The following ADCYAP1 variants were observed in gnomAD, a reference collection of about 807,000 sequenced individuals.
ADCYAP1 encodes the protein pituitary adenylate cyclase-activating polypeptide.
Under a neutral mutation model 18.5 loss-of-function variants are expected in ADCYAP1, and 6 were observed. That is an observed-to-expected ratio of 0.32 (90% confidence interval 0.18 to 0.64). ADCYAP1 has a LOEUF of 0.64. ADCYAP1 is among the 30% of genes least tolerant of loss of function. ADCYAP1 has a pLI of 0.77. For missense variants in ADCYAP1, 314 were observed against 253.6 expected, an observed-to-expected ratio of 1.24 and a Z score of -1.62; for synonymous variants, 136 against 113.9, an observed-to-expected ratio of 1.19 and a Z score of -1.24.
At chr18:909,066 G>C (rs1029951541) in intron 4 of ADCYAP1, among the ~76,000 whole-genome samples, 5 of 152,166 alleles carry the variant, frequency 3.3e-5, no homozygotes, top group Non-Finnish European at 5.9e-5. Flanking sequence ...AGGGCTCTCC[G>C]GTTACTTTCT....
rs1490672369 is a variant in ADCYAP1 at position 911,550 on chromosome 18, G to A, written c.*1915G>A. The A allele has an allele frequency of 1.5e-4, 23 of 152,192 alleles. 2 individuals carry two copies. 9.4% of individuals were successfully genotyped at this position (152,192 alleles called of 1,614,324 possible). Reference sequence around the variant, plus strand: ...AGAATTGGATTTGCATTCCCAGGCGGGATGGATGCTGCCAGGAGATCACAT... The same window carrying A: ...AGAATTGGATTTGCATTCCCAGGCGAGATGGATGCTGCCAGGAGATCACAT... On this transcript the variant is annotated 3_prime_UTR_variant, in exon 5 of 5. Transcript: ENST00000450565.
In ADCYAP1 at chr18:905,283, C is replaced by T. The variant is rs111709874; in HGVS notation, c.-1-103C>T. On this transcript the variant is annotated intron_variant, in intron 1 of 4. Coordinates refer to ENST00000450565, the MANE Select transcript of ADCYAP1 (RefSeq NM_001099733.2). Reference sequence around the variant, plus strand: ...TGCTGTTCAACTCAGGGAGCCGGGGCTTCGCTCCGTCCCTCCCCCGGCTTC... The same window carrying T: ...TGCTGTTCAACTCAGGGAGCCGGGGTTTCGCTCCGTCCCTCCCCCGGCTTC... 9.7e-5 allele frequency: 149 copies of T among 1,528,284 alleles called. No individual in the cohort carries two copies. The African/African-American group carries it at 1.6e-3, about 16-fold the overall frequency. The allele number at this position is 1,528,284 out of a possible 1,614,324, so 94.7% of individuals were successfully genotyped here.
upstream of ADCYAP1, chr18:904,793 C>G (rs539625402): frequency 3.9e-6 from 5 of 1,282,488 alleles, no homozygotes; most frequent in South Asian, 6.2e-5. Context: ...CTCTTTCTTT[C>G]TTCTGCCTCT....
At chr18:906,833 C>A (rs765216524) in intron 2 of ADCYAP1, among the ~76,000 whole-genome samples, 1 of 152,252 alleles carries the variant, frequency 6.6e-6, no homozygotes, top group African/African-American at 2.4e-5. Context: ...AGTCGCCAGG[C>A]ACTCGCTGGA....
At position 909,642 on chromosome 18, in the gene ADCYAP1, G is replaced by A. The variant is rs760845880; in HGVS notation, c.*7G>A. 9 of 1,612,366 alleles carry A rather than the reference G, an allele frequency of 5.6e-6. No individual in the cohort carries two copies. The highest frequency in any genetic ancestry group is 7.6e-6 in the Non-Finnish European group (9 of 1,178,858). ...CCGAATAGCTTATTTGTAGCGATGG[G>A]TTACCAGCTACCCTGTGTATACAGC... On this transcript the variant is annotated 3_prime_UTR_variant, in exon 5 of 5. Coordinates refer to ENST00000450565, the MANE Select transcript of ADCYAP1 (RefSeq NM_001099733.2).
intron 2 of ADCYAP1, among the ~76,000 whole-genome samples, chr18:907,280 C>T (rs1909203040): frequency 6.6e-6 from 1 of 152,184 alleles, no homozygotes; most frequent in Admixed American, 6.5e-5. Flanking sequence ...TCTCCCAGGG[C>T]CTTTCTCGTC....
At chr18:904,770 ACCTC>A, upstream of ADCYAP1, 1 of 1,271,430 alleles carries the variant, frequency 7.9e-7, no homozygotes. Context: ...TCCGCGCTTC[ACCTC>A]ATCGCCCCCT....
chr18:911,304 C>G lies in ADCYAP1; in HGVS notation c.*1669C>G, dbSNP rs1228058136. 6.6e-6 allele frequency: 1 copy of G among 151,802 alleles called. No individual in the cohort carries two copies. Among genetic ancestry groups the G allele is most frequent in the East Asian group, 1.9e-4 (1 of 5,172 alleles). 9.4% of individuals were successfully genotyped at this position (151,802 alleles called of 1,614,324 possible). A position where few individuals can be genotyped will look rare whatever the true frequency, so the allele number is the denominator to read the frequency against. On this transcript the variant is annotated 3_prime_UTR_variant, in exon 5 of 5. Coordinates refer to ENST00000450565, the MANE Select transcript of ADCYAP1 (RefSeq NM_001099733.2). The stretch of plus-strand genomic sequence containing the variant: ...TCTTTATAAACAAAAGAACCTTCAC[C>G]CAGCAATCAGATCGAGCAGCAACAG...
chr18:912,074 CA>C lies in ADCYAP1; in HGVS notation c.*2441del, dbSNP rs1909406479. The C allele has an allele frequency of 6.6e-6, 1 of 152,058 alleles. No individual in the cohort carries two copies. Among genetic ancestry groups the C allele is most frequent in the South Asian group, 2.1e-4 (1 of 4,820 alleles). The allele number at this position is 152,058 out of a possible 1,614,324, so 9.4% of individuals were successfully genotyped here. On this transcript the variant is annotated 3_prime_UTR_variant, in exon 5 of 5. Transcript: ENST00000450565. ...CAACTGATTATAAAAACACCTTAAC[CA>C]AGTATTATTACACACATGATATCTA...
chr18:909,431 C>T lies in ADCYAP1; in HGVS notation c.342-15C>T. 2 of 1,607,286 alleles carry T rather than the reference C, an allele frequency of 1.2e-6. No individual in the cohort carries two copies. Among genetic ancestry groups the T allele is most frequent in the Non-Finnish European group, 1.7e-6 (2 of 1,177,118 alleles). On this transcript the variant is annotated splice_polypyrimidine_tract_variant and intron_variant, in intron 4 of 4. Transcript: ENST00000450565. ...TCCCGCCCCGCCACCCTCTTCCCGA[C>T]CCCTTTGCTTGCAGTGGGAGCCTCG...
chr18:908,196 A>T lies in ADCYAP1; in HGVS notation c.243-69A>T. Reference sequence around the variant, plus strand: ...CCGCCGAGGGGGCGCGCGCCCAACAAGGGGGTCTCTAGCGGCCACCTGGGG... The same window carrying T: ...CCGCCGAGGGGGCGCGCGCCCAACATGGGGGTCTCTAGCGGCCACCTGGGG... On this transcript the variant is annotated intron_variant, in intron 3 of 4. Transcript: ENST00000450565. The T allele has an allele frequency of 2.8e-6, 4 of 1,405,532 alleles. No individual in the cohort carries two copies. The South Asian group carries it at 5.0e-5, about 18-fold the overall frequency. 87.1% of individuals were successfully genotyped at this position (1,405,532 alleles called of 1,614,324 possible).
At position 908,087 on chromosome 18, in the gene ADCYAP1, G is replaced by A. The variant is rs1289445549; in HGVS notation, c.243-178G>A. 1.0e-5 allele frequency: 7 copies of A among 670,890 alleles called. No individual in the cohort carries two copies. The African/African-American group carries it at 1.3e-4, about 12-fold the overall frequency. 41.6% of individuals were successfully genotyped at this position (670,890 alleles called of 1,614,324 possible). A position where few individuals can be genotyped will look rare whatever the true frequency, so the allele number is the denominator to read the frequency against. On this transcript the variant is annotated intron_variant, in intron 3 of 4. Transcript: ENST00000450565. ...ACTCCTAGAGCCGGGACTAGCTCCC[G>A]ATCCTAGCAGTTGCTCTCGAGATCA...
chr18:904,850 C>T (rs1404030448), upstream of ADCYAP1: 5 of 1,285,748 alleles, frequency 3.9e-6, no homozygotes, highest in East Asian at 5.6e-5. Flanking sequence ...CCTGGTTCTG[C>T]GCGTCTACAA....
intron 2 of ADCYAP1, 56 bp downstream of exon 2, chr18:905,552 T>A: frequency 6.3e-7 from 1 of 1,582,768 alleles, no homozygotes; most frequent in Middle Eastern, 1.7e-4. Context: ...GCACAGACGC[T>A]TCCTCACGGT....
chr18:905,717 G>T, intron 2 of ADCYAP1: 1 of 595,836 alleles, frequency 1.7e-6, no homozygotes. Flanking sequence ...GCCCTAGGCA[G>T]CTCAGGGTCC....
At chr18:904,522 C>G, upstream of ADCYAP1, 1 of 1,289,132 alleles carries the variant, frequency 7.8e-7, no homozygotes, top group Non-Finnish European at 1.0e-6. Context: ...AGCAGAAGGC[C>G]GGTCACCTCT....
chr18:910,900 G>A lies in ADCYAP1; in HGVS notation c.*1265G>A, dbSNP rs1349980945. ...TCACTTTTTTTTTTTGTTTGATGCA[G>A]GCACTTATTGTAAATTTTAGAAACC... On this transcript the variant is annotated 3_prime_UTR_variant, in exon 5 of 5. Transcript: ENST00000450565. 2.6e-5 allele frequency: 4 copies of A among 151,644 alleles called. No homozygotes were observed. The highest frequency in any genetic ancestry group is 2.0e-4 in the Admixed American group (3 of 15,238). 9.4% of individuals were successfully genotyped at this position (151,644 alleles called of 1,614,324 possible).
chr18:905,491 G>A lies in ADCYAP1; in HGVS notation c.105G>A (p.Gly35=), dbSNP rs749007403. ...SPAAAGLRFP[G]IRPEEEAYGE... ...CCGCCGCCGGACTCCGGTTCCCCGG[G>A]ATCAGGTAGGTGCTGGCTGCCTGGC... Residue 35 remains glycine (G), a synonymous_variant, in exon 2 of 5, where the codon GGG becomes GGA. Transcript: ENST00000450565. 6.2e-7 allele frequency: 1 copy of A among 1,606,362 alleles called. No homozygotes were observed. The highest frequency in any genetic ancestry group is 1.7e-5 in the Admixed American group (1 of 60,012).
intron 4 of ADCYAP1, 60 bp downstream of exon 4, chr18:908,423 G>C: frequency 6.8e-7 from 1 of 1,477,796 alleles, no homozygotes; most frequent in Non-Finnish European, 9.3e-7. Context: ...TGCGGGGCGC[G>C]CGGGGCGGGC....
Sources: allele counts gnomAD v4.1 joint callset (sites outside exome capture counted in the v4.1 genomes callset), GRCh38; gene constraint gnomAD v4.1.1; transcripts MANE v1.5; gene names NCBI Gene and HGNC (gene_info 2026-07-23, HGNC 2026-07-21).